TTYH2: variants seen among roughly 807,000 people sequenced by gnomAD.
The protein encoded by TTYH2 is tweety family member 2, also known as protein tweety homolog 2.
TTYH2 carries 49 observed loss-of-function variants against 68.3 expected under a neutral mutation model. The ratio of observed to expected loss-of-function variants is 0.72; its 90% CI spans 0.57 to 0.91. The LOEUF is 0.91. Ranked by LOEUF, TTYH2 falls within the 40% of genes least tolerant of loss-of-function variation. The pLI is 0.00. For synonymous variants in TTYH2, 272 were observed against 300.8 expected (o/e 0.90, Z 0.99); for missense variants, 631 against 700.4 (o/e 0.90, Z 1.12).
rs1329552859 is a variant in TTYH2 at position 74,213,759 on chromosome 17, G to T, written c.129+43G>T. The T allele has an allele frequency of 6.3e-7, 1 of 1,596,754 alleles. No individual in the cohort carries two copies. The highest frequency in any genetic ancestry group is 2.3e-5 in the East Asian group (1 of 43,434). On this transcript the variant is annotated intron_variant, in intron 1 of 13. Transcript: ENST00000269346. This position sits in a 1 kb window ranked among gnomAD's most constrained non-coding sequence, Gnocchi z 6.1. ...CAGACCGCAGCCACGCGCGCCCCAA[G>T]TCCCCGCACTACCCCCTCTCCCCTC... is the stretch of plus-strand genomic sequence containing the variant.
intron 10 of TTYH2, chr17:74,251,982 G>C: frequency 2.0e-6 from 1 of 510,760 alleles, no homozygotes; most frequent in Non-Finnish European, 3.5e-6. Context: ...CCTCCGCCCT[G>C]TTCAGAGCCA....
At chr17:74,248,240 G>T in intron 6 of TTYH2, 1 of 984,702 alleles carries the variant, frequency 1.0e-6, no homozygotes, top group Non-Finnish European at 1.2e-6. Context: ...AGGCCCCCCA[G>T]TTTATCCAGT....
intron 13 of TTYH2, among the ~76,000 whole-genome samples, 162 bp from the exon 14 acceptor site, chr17:74,259,967 T>A (rs1176675108): frequency 6.6e-6 from 1 of 152,122 alleles, no homozygotes; most frequent in East Asian, 1.9e-4. Context: ...ATTTTTTATT[T>A]GAGGCTGGGA....
chr17:74,245,596 G>A (rs916429300), intron 6 of TTYH2, among the ~76,000 whole-genome samples: 4 of 152,256 alleles, frequency 2.6e-5, no homozygotes, highest in East Asian at 1.9e-4. Flanking sequence ...CCAGCTGGGC[G>A]CCCTGGAATG....
chr17:74,235,663 G>A (rs2050435697), intron 3 of TTYH2, among the ~76,000 whole-genome samples: 1 of 152,150 alleles, frequency 6.6e-6, no homozygotes, highest in Admixed American at 6.5e-5. Context: ...GCCGAGGTGG[G>A]TGGATCACTT....
intron 13 of TTYH2, among the ~76,000 whole-genome samples, chr17:74,259,339 A>C (rs2050724678): frequency 6.6e-6 from 1 of 151,800 alleles, no homozygotes; most frequent in African/African-American, 2.4e-5. Flanking sequence ...TCAGCCTCCC[A>C]AGTGGCTGGG....
chr17:74,252,954 G>A (rs2050650561), intron 11 of TTYH2, 127 bp from the exon 12 acceptor site: 1 of 945,042 alleles, frequency 1.1e-6, no homozygotes, highest in African/African-American at 1.7e-5. Context: ...GCGTTTTAGA[G>A]GAGTCTCAAG....
rs891774139 is a variant in TTYH2 at position 74,252,194 on chromosome 17, C to A, written c.1117-40C>A. ...AGAGCTCGGCCCGCAGGCTTTGCCC[C>A]CGCTCCTTCACTAGCTGCATGTCCC... is the stretch of plus-strand genomic sequence containing the variant. On this transcript the variant is annotated intron_variant, in intron 10 of 13. Coordinates refer to ENST00000269346, the MANE Select transcript of TTYH2 (RefSeq NM_032646.6). 33 of 1,607,648 alleles carry A rather than the reference C, an allele frequency of 2.1e-5. 1 individual carries two copies. Among genetic ancestry groups the A allele is most frequent in the East Asian group, 6.7e-5 (3 of 44,870 alleles).
At chr17:74,243,065 G>A (rs541427604) in intron 4 of TTYH2, among the ~76,000 whole-genome samples, 18 of 152,238 alleles carry the variant, frequency 1.2e-4, no homozygotes, top group African/African-American at 9.6e-5. Context: ...TAGTGGCAAA[G>A]AAGAGAGTGG....
rs1008435036 is a variant in TTYH2, at chr17:74,232,853, C to A, written c.414+1854C>A. Among the ~76,000 whole-genome samples the A allele has an allele frequency of 2.0e-5, 3 of 152,340 alleles. No homozygotes were observed. Among genetic ancestry groups the A allele is most frequent in the East Asian group, 3.9e-4 (2 of 5,178 alleles). On this transcript the variant is annotated intron_variant, in intron 3 of 13. Transcript: ENST00000269346. The surrounding 1 kb of genome is among the most constrained non-coding windows in gnomAD (Gnocchi z 5.1). Reference sequence around the variant, plus strand: ...TCCCTATCCCACAGGACGAGAGCTGCCAGGGAGGGGAGCTGGAACGGGCCC... The same window carrying A: ...TCCCTATCCCACAGGACGAGAGCTGACAGGGAGGGGAGCTGGAACGGGCCC...
At position 74,232,755 on chromosome 17, in the gene TTYH2, C is replaced by G. The variant is rs913595502; in HGVS notation, c.414+1756C>G. On this transcript the variant is annotated intron_variant, in intron 3 of 13. Coordinates refer to ENST00000269346, the MANE Select transcript of TTYH2 (RefSeq NM_032646.6). This position sits in a 1 kb window ranked among gnomAD's most constrained non-coding sequence, Gnocchi z 5.1. ...ATCCCCTGCCCTGCCCAGGAAGGCA[C>G]CAGGGCCATGACCTTCACGGGTTTA... Among the ~76,000 whole-genome samples, 1 of 152,194 alleles carries G rather than the reference C, an allele frequency of 6.6e-6. No individual in the cohort carries two copies. The highest frequency in any genetic ancestry group is 1.9e-4 in the East Asian group (1 of 5,184).
Position 74,261,051 on chromosome 17 carries a change from T to C in TTYH2, c.*842T>C, listed in dbSNP as rs2050745459. ...TCCAGTGTTTTAAACATGTTGATTA[T>C]CCAAAGAATTGAAACTCCTAGCACA... On this transcript the variant is annotated 3_prime_UTR_variant, in exon 14 of 14. Transcript: ENST00000269346. 6.6e-6 allele frequency: 1 copy of C among 152,506 alleles called. No individual in the cohort carries two copies. The highest frequency in any genetic ancestry group is 1.5e-5 in the Non-Finnish European group (1 of 67,910). 9.4% of individuals were successfully genotyped at this position (152,506 alleles called of 1,614,324 possible).
rs1275994801 is a variant in TTYH2, at chr17:74,232,812, C to T, written c.414+1813C>T. Among the ~76,000 whole-genome samples, 1 of 152,200 alleles carries T rather than the reference C, an allele frequency of 6.6e-6. No individual in the cohort carries two copies. Among genetic ancestry groups the T allele is most frequent in the Non-Finnish European group, 1.5e-5 (1 of 68,014 alleles). ...CTCCCAGAACTCCCTTATGGGAAAACATCAAGTCCTAGAAGTCCCTATCCC... is the reference window on the plus strand; with the variant it reads ...CTCCCAGAACTCCCTTATGGGAAAATATCAAGTCCTAGAAGTCCCTATCCC... On this transcript the variant is annotated intron_variant, in intron 3 of 13. Transcript: ENST00000269346. The surrounding 1 kb of genome is among the most constrained non-coding windows in gnomAD (Gnocchi z 5.1).
At chr17:74,252,958 T>C (rs932155371) in intron 11 of TTYH2, 123 bp from the exon 12 acceptor site, 3 of 1,002,418 alleles carry the variant, frequency 3.0e-6, no homozygotes, top group African/African-American at 3.3e-5. Context: ...TTTAGAGGAG[T>C]CTCAAGGAGA....
In TTYH2 at chr17:74,222,754, G is replaced by C. The variant is rs2050289851; in HGVS notation, c.302+97G>C. ...GTTCTGACGGAGCTCCAGCTACCTTGATGGAAAAGCTTGTCCCCAGATGAA... is the reference window on the plus strand; with the variant it reads ...GTTCTGACGGAGCTCCAGCTACCTTCATGGAAAAGCTTGTCCCCAGATGAA... On this transcript the variant is annotated intron_variant, in intron 2 of 13. Transcript: ENST00000269346. This position sits in a 1 kb window ranked among gnomAD's most constrained non-coding sequence, Gnocchi z 5.2. 7.4e-7 allele frequency: 1 copy of C among 1,350,408 alleles called. No individual in the cohort carries two copies. Among genetic ancestry groups the C allele is most frequent in the African/African-American group, 1.5e-5 (1 of 67,414 alleles). The allele number at this position is 1,350,408 out of a possible 1,614,324, so 83.7% of individuals were successfully genotyped here. A position where few individuals can be genotyped will look rare whatever the true frequency, so the allele number is the denominator to read the frequency against.
At chr17:74,227,331 C>A (rs1172696450) in intron 2 of TTYH2, among the ~76,000 whole-genome samples, 1 of 152,148 alleles carries the variant, frequency 6.6e-6, no homozygotes, top group African/African-American at 2.4e-5. Flanking sequence ...CGCTGATAAA[C>A]CCACAGGGCC....
At position 74,232,499 on chromosome 17, in the gene TTYH2, G is replaced by A. The variant is rs1028423105; in HGVS notation, c.414+1500G>A. Among the ~76,000 whole-genome samples, 1 of 152,368 alleles carries A rather than the reference G, an allele frequency of 6.6e-6. No individual in the cohort carries two copies. The highest frequency in any genetic ancestry group is 2.1e-4 in the South Asian group (1 of 4,830). On this transcript the variant is annotated intron_variant, in intron 3 of 13. Coordinates refer to ENST00000269346, the MANE Select transcript of TTYH2 (RefSeq NM_032646.6). The surrounding 1 kb of genome is among the most constrained non-coding windows in gnomAD (Gnocchi z 5.1). ...TTGCGCGGTGAGCTGGGGCGGCTGG[G>A]TTGGAGGAGCTGAGGGACAGCCAGC...
chr17:74,224,924 G>C (rs752335756), intron 2 of TTYH2, among the ~76,000 whole-genome samples: 1 of 152,008 alleles, frequency 6.6e-6, no homozygotes, highest in East Asian at 1.9e-4. Context: ...ATTTGAACCC[G>C]GGAGGCAGGG....
At chr17:74,216,336 G>A (rs2143707827) in intron 1 of TTYH2, among the ~76,000 whole-genome samples, 1 of 152,278 alleles carries the variant, frequency 6.6e-6, no homozygotes, top group South Asian at 2.1e-4. Context: ...TGGGGGGTGG[G>A]TGCGTGTGCA....
Sources: gnomAD v4.1 joint callset for allele counts (sites outside exome capture counted in the v4.1 genomes callset) on GRCh38, gnomAD v4.1.1 for gene constraint, Gnocchi (gnomAD v3.1) non-coding constraint, MANE v1.5 for transcripts, NCBI Gene and HGNC (gene_info 2026-07-23, HGNC 2026-07-21) for gene names.